DOC2B: variants seen among roughly 807,000 people sequenced by gnomAD.
DOC2B encodes the protein double C2-like domain-containing protein beta.
DOC2B carries 21 observed loss-of-function variants against 28.9 expected under a neutral mutation model. The observed-to-expected ratio is 0.73, with a 90% CI of 0.52 to 1.05. DOC2B has a LOEUF of 1.05. DOC2B is among the 50% of genes least tolerant of loss of function. The pLI, the probability that DOC2B is intolerant of heterozygous loss-of-function variation, is 0.00. For missense variants in DOC2B, 384 were observed against 421.1 expected, an observed-to-expected ratio of 0.91 and a Z score of 0.77; for synonymous variants, 194 against 178.1, an observed-to-expected ratio of 1.09 and a Z score of -0.71.
At chr17:180,747 A>G (rs1381026091) in intron 1 of DOC2B, among the ~76,000 whole-genome samples, 2 of 151,492 alleles carry the variant, frequency 1.3e-5, no homozygotes, top group African/African-American at 4.8e-5. Flanking sequence ...CCCGGGACGC[A>G]GCTCCGCCCT....
intron 6 of DOC2B, among the ~76,000 whole-genome samples, chr17:155,107 C>T (rs1391502259): frequency 6.6e-6 from 1 of 152,104 alleles, no homozygotes; most frequent in African/African-American, 2.4e-5. Context: ...TGGGTTCAAG[C>T]AATCCTCTCA....
Position 156,321 on chromosome 17 carries a change from G to C in DOC2B, c.822C>G (p.Leu274=), listed in dbSNP as rs762127705. The change falls in exon 6 of 9, where the codon CTC becomes CTG. Residue 274 remains leucine (L), a synonymous_variant. Coordinates refer to ENST00000613549, the MANE Select transcript of DOC2B (RefSeq NM_003585.5). Reference sequence around the variant, plus strand: ...GGCCTTGCTTCTGTGAGCTGTACTTGAGGGAGATGAGGATGCGGCCCCGCT... The same window carrying C: ...GGCCTTGCTTCTGTGAGCTGTACTTCAGGGAGATGAGGATGCGGCCCCGCT... ...LEERGRILIS[L]KYSSQKQGLL... 1 of 1,551,656 alleles carries C rather than the reference G, an allele frequency of 6.4e-7. No homozygotes were observed. The highest frequency in any genetic ancestry group is 1.2e-5 in the South Asian group (1 of 84,068).
intron 4 of DOC2B, 129 bp downstream of exon 4, chr17:161,952 A>G (rs34663111): frequency 0.84 from 580,774 of 693,700 alleles, 244,845 homozygotes; most frequent in East Asian, 0.9. Context: ...CAAGCCCCCA[A>G]GCTGGAGTTG....
intron 2 of DOC2B, among the ~76,000 whole-genome samples, chr17:168,837 C>A (rs1456689926): frequency 6.6e-6 from 1 of 152,264 alleles, no homozygotes; most frequent in Non-Finnish European, 1.5e-5. Flanking sequence ...CACTTTCAGC[C>A]ATAACTGTGA....
At chr17:160,448 C>G (rs111689816) in intron 5 of DOC2B, among the ~76,000 whole-genome samples, 34 of 152,332 alleles carry the variant, frequency 2.2e-4, no homozygotes, top group African/African-American at 8.2e-4. Context: ...GACTCGCCCC[C>G]GGGGCTTGAC....
At chr17:172,693 G>A (rs1348446896) in intron 1 of DOC2B, 77 bp from the exon 2 acceptor site, 5 of 1,268,884 alleles carry the variant, frequency 3.9e-6, no homozygotes, top group Non-Finnish European at 5.4e-6. Context: ...GAGACCAGAT[G>A]AGCCTGGCCT....
At chr17:175,044 G>A (rs945022050) in intron 1 of DOC2B, among the ~76,000 whole-genome samples, 18 of 152,030 alleles carry the variant, frequency 1.2e-4, no homozygotes, top group African/African-American at 2.4e-4. Context: ...TTTCAAGACC[G>A]GCCTGGCCAA....
intron 1 of DOC2B, among the ~76,000 whole-genome samples, chr17:179,705 CA>C (rs892400097): frequency 1.3e-5 from 2 of 152,154 alleles, no homozygotes; most frequent in African/African-American, 4.8e-5. Context: ...GCCCTGAGGG[CA>C]AAAAACTCTT....
intron 6 of DOC2B, among the ~76,000 whole-genome samples, chr17:152,196 G>T (rs2040079880): frequency 6.6e-6 from 1 of 152,196 alleles, no homozygotes; most frequent in African/African-American, 2.4e-5. Context: ...GCCAGAGAAG[G>T]GAGTTGCCCA....
At chr17:178,871 T>C (rs1310651046) in intron 1 of DOC2B, among the ~76,000 whole-genome samples, 1 of 152,192 alleles carries the variant, frequency 6.6e-6, no homozygotes, top group African/African-American at 2.4e-5. Flanking sequence ...CTTGAATCAT[T>C]GAGGCTTATT....
At chr17:162,757 C>T (rs373740756) in intron 3 of DOC2B, among the ~76,000 whole-genome samples, 1 of 152,204 alleles carries the variant, frequency 6.6e-6, no homozygotes, top group Non-Finnish European at 1.5e-5. Flanking sequence ...ACCTCCAGCC[C>T]GATGCCACGG....
rs1480171369 is a variant in DOC2B, at chr17:162,118, C to T, written c.601G>A (p.Gly201Arg). 7.7e-6 allele frequency: 12 copies of T among 1,551,714 alleles called. No individual in the cohort carries two copies. Among genetic ancestry groups the T allele is most frequent in the Non-Finnish European group, 7.0e-6 (8 of 1,147,000 alleles). ...CGGATCATGTCTTCATCTGTGATCC[C>T]GTAGTAAGTGAGGGTCTCGTTCCAT... is the stretch of plus-strand genomic sequence containing the variant. The part of the protein sequence containing the change: ...PTWNETLTYY[G>R]ITDEDMIRKT... Residue 201 changes from glycine to arginine, a missense_variant, in exon 4 of 9, where the codon GGG (glycine) becomes AGG (arginine). By Grantham distance (125) the Gly-to-Arg change is moderately radical. Transcript: ENST00000613549.
At chr17:147,829 C>T (rs1264439990) in intron 8 of DOC2B, among the ~76,000 whole-genome samples, 2 of 152,162 alleles carry the variant, frequency 1.3e-5, no homozygotes, top group Non-Finnish European at 2.9e-5. Flanking sequence ...GGAATGGGGG[C>T]CTGAAGAGGG....
At chr17:150,789 C>CTCA (rs1318703621) in intron 6 of DOC2B, among the ~76,000 whole-genome samples, 1 of 152,200 alleles carries the variant, frequency 6.6e-6, no homozygotes, top group Non-Finnish European at 1.5e-5. Context: ...AACTGGGGAA[C>CTCA]TCATCAACAA....
intron 5 of DOC2B, among the ~76,000 whole-genome samples, chr17:158,050 C>T (rs1228474651): frequency 2.0e-5 from 3 of 152,160 alleles, no homozygotes; most frequent in Non-Finnish European, 4.4e-5. Context: ...TGGTACATTC[C>T]TCACCCTGGA....
chr17:161,699 A>G (rs1555523265), intron 4 of DOC2B, among the ~76,000 whole-genome samples, 158 bp from the exon 5 acceptor site: 1 of 152,228 alleles, frequency 6.6e-6, no homozygotes, highest in African/African-American at 2.4e-5. Context: ...TGACAGGGGC[A>G]GAGTGTGGCA....
chr17:178,017 G>A (rs933812126), intron 1 of DOC2B, among the ~76,000 whole-genome samples: 2 of 152,244 alleles, frequency 1.3e-5, no homozygotes, highest in African/African-American at 4.8e-5. Context: ...TTCTGGGAGA[G>A]GTTTCCTCGC....
chr17:168,875 G>A (rs1187172662), intron 2 of DOC2B, among the ~76,000 whole-genome samples: 1 of 152,242 alleles, frequency 6.6e-6, no homozygotes, highest in African/African-American at 2.4e-5. Context: ...GTAACGGCAA[G>A]TCCAATAAAC....
rs984380634 is a variant in DOC2B, at chr17:160,496, CCACTGGGGCTGGGTA to C, written c.765+904_765+918del. Among the ~76,000 whole-genome samples, 1,198 of 152,348 alleles carry C rather than the reference CCACTGGGGCTGGGTA, an allele frequency of 7.9e-3. 24 individuals carry two copies. Among genetic ancestry groups the C allele is most frequent in the African/African-American group, 0.027 (1,114 of 41,578 alleles). On this transcript the variant is annotated intron_variant, in intron 5 of 8. Coordinates refer to ENST00000613549, the MANE Select transcript of DOC2B (RefSeq NM_003585.5). Reference sequence around the variant, plus strand: ...CGAGGTGAGTCCACGTCCCCGGGCCCCACTGGGGCTGGGTACACTGGGGACAGCCGCCGGGCTCTG... The same window carrying C: ...CGAGGTGAGTCCACGTCCCCGGGCCCCACTGGGGACAGCCGCCGGGCTCTG...
Sources: gnomAD v4.1 joint callset for allele counts (sites outside exome capture counted in the v4.1 genomes callset) on GRCh38, gnomAD v4.1.1 for gene constraint, MANE v1.5 for transcripts, NCBI Gene and HGNC (gene_info 2026-07-23, HGNC 2026-07-21) for gene names.